Variants in USP32 observed in about 807,000 individuals in gnomAD.
USP32 encodes ubiquitin specific peptidase 32, also known as ubiquitin carboxyl-terminal hydrolase 32.
USP32 carries 59 observed loss-of-function variants against 204.8 expected under a neutral mutation model. The ratio of observed to expected loss-of-function variants is 0.29; its 90% confidence interval spans 0.23 to 0.36. The LOEUF is 0.36. Among genes scored for constraint, USP32 ranks in the 10% least tolerant of loss-of-function variants. USP32 has a pLI of 1.00. For missense variants in USP32, 1,160 were observed against 1,946.4 expected (o/e 0.60, Z 7.60); for synonymous variants, 517 against 678.4 (o/e 0.76, Z 3.70).
intron 1 of USP32, among the ~76,000 whole-genome samples, chr17:60,373,528 G>C (rs2089484115): frequency 7.1e-6 from 1 of 141,826 alleles, no homozygotes; most frequent in African/African-American, 3.0e-5. Flanking sequence ...ACTGCAACCT[G>C]CACCTCCTGG....
At chr17:60,386,415 A>G (rs2089732470) in intron 1 of USP32, among the ~76,000 whole-genome samples, 1 of 152,076 alleles carries the variant, frequency 6.6e-6, no homozygotes, top group Admixed American at 6.6e-5. Context: ...TTAACATTAA[A>G]GCTTCTAATT....
At chr17:60,256,466 T>C (rs1389245980) in intron 9 of USP32, among the ~76,000 whole-genome samples, 1 of 152,138 alleles carries the variant, frequency 6.6e-6, no homozygotes, top group African/African-American at 2.4e-5. Flanking sequence ...ACAGCAGAGG[T>C]CCTTGAATAA....
intron 12 of USP32, among the ~76,000 whole-genome samples, chr17:60,234,206 C>T (rs879924405): frequency 1.3e-5 from 2 of 151,518 alleles, no homozygotes; most frequent in Non-Finnish European, 2.9e-5. Flanking sequence ...CTCCGCCTCC[C>T]GGGTTCAAGC....
intron 1 of USP32, among the ~76,000 whole-genome samples, chr17:60,381,307 T>C (rs1164029602): frequency 6.6e-6 from 1 of 151,918 alleles, no homozygotes; most frequent in African/African-American, 2.4e-5. Flanking sequence ...CCAGGTGTGG[T>C]CCACACATCT....
chr17:60,183,828 C>G (rs1390643450), intron 30 of USP32, among the ~76,000 whole-genome samples: 2 of 152,220 alleles, frequency 1.3e-5, no homozygotes, highest in African/African-American at 4.8e-5. Flanking sequence ...CCCCTTGTGG[C>G]AGTTCTCACA....
chr17:60,291,251 A>C (rs1000431876), intron 4 of USP32, among the ~76,000 whole-genome samples: 1 of 152,238 alleles, frequency 6.6e-6, no homozygotes, highest in African/African-American at 2.4e-5. Flanking sequence ...TAACTGGTAG[A>C]CCAAAAATTA....
chr17:60,182,600 A>C (rs1342306309), intron 31 of USP32, among the ~76,000 whole-genome samples: 1 of 151,950 alleles, frequency 6.6e-6, no homozygotes, highest in African/African-American at 2.4e-5. Context: ...CCATCTCTAC[A>C]AAAAATACAA....
intron 2 of USP32, among the ~76,000 whole-genome samples, chr17:60,315,243 C>CA (rs1321848166): frequency 1.3e-5 from 2 of 151,816 alleles, no homozygotes; most frequent in Non-Finnish European, 2.9e-5. Context: ...ACTTAAAATA[C>CA]AAAAAAATTA....
chr17:60,303,212 A>G (rs1393869095), intron 2 of USP32, among the ~76,000 whole-genome samples: 2 of 152,146 alleles, frequency 1.3e-5, no homozygotes, highest in African/African-American at 4.8e-5. Flanking sequence ...TAAAATAACT[A>G]TTTTTAGTTG....
At chr17:60,242,354 A>G (rs947250961) in intron 11 of USP32, among the ~76,000 whole-genome samples, 7 of 152,064 alleles carry the variant, frequency 4.6e-5, no homozygotes, top group African/African-American at 1.7e-4. Context: ...TTTTCTTGAC[A>G]TCTTTAAAAA....
intron 1 of USP32, among the ~76,000 whole-genome samples, chr17:60,384,841 C>T (rs1042622058): frequency 1.3e-5 from 2 of 151,516 alleles, no homozygotes; most frequent in African/African-American, 4.8e-5. Context: ...GGCGTGGTGG[C>T]TCACGCCTGT....
At chr17:60,312,724 T>G (rs1205141952) in intron 2 of USP32, among the ~76,000 whole-genome samples, 1 of 152,162 alleles carries the variant, frequency 6.6e-6, no homozygotes. Flanking sequence ...GCAAAAAATA[T>G]ATACCTTTCC....
chr17:60,422,353 T>C (rs2090130871), exon 1 of USP32: 2 of 1,042,780 alleles, frequency 1.9e-6, no homozygotes, highest in Non-Finnish European at 2.6e-6. Flanking sequence ...CCCGCACATC[T>C]TGCTCCGTTC....
intron 12 of USP32, among the ~76,000 whole-genome samples, chr17:60,230,170 T>C (rs1165778287): frequency 6.6e-6 from 1 of 152,222 alleles, no homozygotes; most frequent in Non-Finnish European, 1.5e-5. Context: ...TTGGGTCTAT[T>C]TGAGCAAACA....
In USP32 at chr17:60,389,683, C is replaced by T. The variant is rs546236350; in HGVS notation, c.58+2199G>A. On this transcript the variant is annotated intron_variant, in intron 1 of 33. Coordinates refer to ENST00000300896, the MANE Select transcript of USP32 (RefSeq NM_032582.4). The stretch of plus-strand genomic sequence containing the variant: ...TACAATTTTATCAACTTGCTGCTCT[C>T]TTTTGCTTTAATTTTCCTCTAAAGC... Among the ~76,000 whole-genome samples the T allele has an allele frequency of 1.1e-4, 16 of 152,138 alleles. 1 individual carries two copies. In the South Asian group the frequency reaches 1.5e-3, roughly 14 times the overall value.
intron 5 of USP32, among the ~76,000 whole-genome samples, chr17:60,285,011 C>A (rs1258804723): frequency 6.6e-6 from 1 of 152,206 alleles, no homozygotes; most frequent in Non-Finnish European, 1.5e-5. Context: ...CTCTCCCCTA[C>A]TGCAATACCC....
In USP32 at chr17:60,223,334, G is replaced by A. The variant is rs986969550; in HGVS notation, c.1608+77C>T. The A allele has an allele frequency of 2.1e-5, 27 of 1,270,496 alleles. No homozygotes were observed. In the Admixed American group the frequency reaches 5.4e-4, roughly 25 times the overall value. 78.7% of individuals were successfully genotyped at this position (1,270,496 alleles called of 1,614,324 possible). A position where few individuals can be genotyped will look rare whatever the true frequency, so the allele number is the denominator to read the frequency against. On this transcript the variant is annotated intron_variant, in intron 14 of 33. Transcript: ENST00000300896. Reference sequence around the variant, plus strand: ...AAATGAACCATCAATGTTTTGCTATGTGCTAAAACCTCTGAAATGAAATTT... The same window carrying A: ...AAATGAACCATCAATGTTTTGCTATATGCTAAAACCTCTGAAATGAAATTT...
intron 1 of USP32, among the ~76,000 whole-genome samples, chr17:60,399,733 G>A (rs1434391988): frequency 6.6e-6 from 1 of 152,058 alleles, no homozygotes; most frequent in East Asian, 1.9e-4. Context: ...AGCAAAAAGG[G>A]TGATATTTAA....
chr17:60,214,460 C>G (rs531597975), intron 17 of USP32, among the ~76,000 whole-genome samples, 160 bp downstream of exon 17: 1 of 151,618 alleles, frequency 6.6e-6, no homozygotes, highest in African/African-American at 2.4e-5. Flanking sequence ...AAATCCCATA[C>G]TCATGAAATA....
Sources: allele counts gnomAD v4.1 joint callset (sites outside exome capture counted in the v4.1 genomes callset), GRCh38; gene constraint gnomAD v4.1.1; transcripts MANE v1.5; gene names NCBI Gene and HGNC (gene_info 2026-07-23, HGNC 2026-07-21).